The following RANBP3L variants were observed in gnomAD, a reference collection of about 807,000 sequenced individuals.
The protein encoded by RANBP3L is ran-binding protein 3-like.
A neutral mutation model predicts 67.2 loss-of-function variants in RANBP3L; 56 were observed. That is an observed-to-expected ratio of 0.83 (90% CI 0.67 to 1.04). RANBP3L has a LOEUF of 1.04. Ranked by LOEUF, RANBP3L falls within the 50% of genes least tolerant of loss-of-function variation. RANBP3L has a pLI of 0.00. For synonymous variants in RANBP3L, 164 were observed against 181.4 expected (o/e 0.90, Z 0.77); for missense variants, 496 against 535.5 (o/e 0.93, Z 0.73).
chr5:36,273,646 AAGCCATTGGGTCTAC>A (rs1750379431), intron 1 of RANBP3L, among the ~76,000 whole-genome samples: 1 of 152,200 alleles, frequency 6.6e-6, no homozygotes, highest in South Asian at 2.1e-4. Flanking sequence ...AGCATTTGTC[AAGCCATTGGGTCTAC>A]AGCAGATTTT....
intron 1 of RANBP3L, among the ~76,000 whole-genome samples, chr5:36,294,612 C>T (rs1227259403): frequency 6.6e-5 from 10 of 151,726 alleles, no homozygotes. Flanking sequence ...CCTTTGTTCT[C>T]GTTGGTTTCA....
intron 1 of RANBP3L, among the ~76,000 whole-genome samples, chr5:36,292,833 G>T (rs146249247): frequency 0.022 from 3,286 of 152,290 alleles, 55 homozygotes; most frequent in Non-Finnish European, 0.03. Context: ...GTCAGGTAGC[G>T]TGATGCCTGC....
At chr5:36,254,332 G>T (rs1748812525) in intron 11 of RANBP3L, among the ~76,000 whole-genome samples, 1 of 151,974 alleles carries the variant, frequency 6.6e-6, no homozygotes, top group South Asian at 2.1e-4. Context: ...ACAAAGGCCA[G>T]AAAAATATAT....
intron 1 of RANBP3L, among the ~76,000 whole-genome samples, chr5:36,284,134 C>G (rs774331031): frequency 4.6e-5 from 7 of 152,134 alleles, no homozygotes; most frequent in Non-Finnish European, 8.8e-5. Context: ...CATTTTAAAC[C>G]CTGTTCTCCT....
At chr5:36,269,563 A>G in intron 3 of RANBP3L, 96 bp from the exon 4 acceptor site, 1 of 754,888 alleles carries the variant, frequency 1.3e-6, no homozygotes, top group Non-Finnish European at 2.3e-6. Flanking sequence ...TCTTTTGTCT[A>G]CACAGACCAT....
chr5:36,251,243 C>T, intron 13 of RANBP3L, 70 bp downstream of exon 13: 1 of 1,296,722 alleles, frequency 7.7e-7, no homozygotes, highest in Non-Finnish European at 1.1e-6. Context: ...AAAAATCTAC[C>T]TAATATATTA....
At chr5:36,256,841 A>G (rs1451967570) in intron 10 of RANBP3L, 100 bp downstream of exon 10, 3 of 1,109,578 alleles carry the variant, frequency 2.7e-6, no homozygotes, top group South Asian at 3.3e-5. Context: ...CTCCATGAAA[A>G]CTATACTTCT....
chr5:36,296,199 T>C (rs1450083858), intron 1 of RANBP3L, among the ~76,000 whole-genome samples: 2 of 152,198 alleles, frequency 1.3e-5, no homozygotes, highest in African/African-American at 4.8e-5. Context: ...TGAGTTGTTC[T>C]AGTGAATTAT....
intron 10 of RANBP3L, among the ~76,000 whole-genome samples, chr5:36,256,017 T>C (rs963925795): frequency 6.6e-6 from 1 of 152,128 alleles, no homozygotes; most frequent in Admixed American, 6.6e-5. Context: ...ACATCAATTT[T>C]TATATTAATT....
At chr5:36,284,686 A>G (rs1048477362) in intron 1 of RANBP3L, among the ~76,000 whole-genome samples, 1 of 152,180 alleles carries the variant, frequency 6.6e-6, no homozygotes, top group Non-Finnish European at 1.5e-5. Context: ...GCAGTGTGGG[A>G]CATAGGGGCT....
chr5:36,294,958 A>C (rs947907857), intron 1 of RANBP3L, among the ~76,000 whole-genome samples: 3 of 148,556 alleles, frequency 2.0e-5, no homozygotes, highest in African/African-American at 7.4e-5. Flanking sequence ...TACATATTAT[A>C]TATGTATGTA....
chr5:36,270,551 T>G (rs1481347685), intron 2 of RANBP3L, among the ~76,000 whole-genome samples: 1 of 152,156 alleles, frequency 6.6e-6, no homozygotes, highest in African/African-American at 2.4e-5. Flanking sequence ...GTACCAGCAG[T>G]GCAATCATAG....
intron 2 of RANBP3L, among the ~76,000 whole-genome samples, chr5:36,270,589 C>T (rs1009640021): frequency 6.6e-6 from 1 of 152,188 alleles, no homozygotes. Context: ...CACCTAGGCT[C>T]AAGCAATCCT....
chr5:36,298,251 G>A (rs1169049938), intron 1 of RANBP3L, among the ~76,000 whole-genome samples: 1 of 148,538 alleles, frequency 6.7e-6, no homozygotes, highest in African/African-American at 2.5e-5. Context: ...AGTGAGCCGA[G>A]ATCATGCCAC....
chr5:36,270,992 C>G (rs992817181), intron 2 of RANBP3L, among the ~76,000 whole-genome samples: 4 of 152,176 alleles, frequency 2.6e-5, no homozygotes, highest in African/African-American at 7.2e-5. Context: ...AGCTCCTCCC[C>G]TTTTCAAGTT....
intron 1 of RANBP3L, among the ~76,000 whole-genome samples, chr5:36,298,574 C>T (rs1447580301): frequency 6.6e-6 from 1 of 152,112 alleles, no homozygotes; most frequent in African/African-American, 2.4e-5. Context: ...AAAGCAGGGC[C>T]ACTGCTCTGA....
At chr5:36,273,379 A>T (rs543935217) in intron 1 of RANBP3L, among the ~76,000 whole-genome samples, 1 of 152,348 alleles carries the variant, frequency 6.6e-6, no homozygotes, top group South Asian at 2.1e-4. Context: ...TGGAGGGCAT[A>T]TAGCAAAGTA....
At position 36,251,370 on chromosome 5, in the gene RANBP3L, A is replaced by T. The variant is rs756606263; in HGVS notation, c.1297T>A (p.Cys433Ser). 5 of 1,613,418 alleles carry T rather than the reference A, an allele frequency of 3.1e-6. No homozygotes were observed. Residue 433 changes from cysteine to serine, a missense_variant, in exon 13 of 14, where the codon TGC becomes AGC. By Grantham distance (112) the Cys-to-Ser change is moderately radical (BLOSUM62 -1). Coordinates refer to ENST00000296604, the MANE Select transcript of RANBP3L (RefSeq NM_145000.5). ...SLSETAQQLN[C>S]ESCDENEDDF... is the part of the protein sequence containing the mutation. ...TCCTCATTCTCATCACAGCTTTCGC[A>T]GTTCAATTGTTGGGCTGTTTCTGAC...
At chr5:36,288,372 G>A (rs1039184217) in intron 1 of RANBP3L, among the ~76,000 whole-genome samples, 49 of 152,116 alleles carry the variant, frequency 3.2e-4, no homozygotes, top group African/African-American at 1.2e-3. Context: ...TTGCTTACCA[G>A]TTTACTTGCT....
Sources: allele counts gnomAD v4.1 joint callset (sites outside exome capture counted in the v4.1 genomes callset), GRCh38; gene constraint gnomAD v4.1.1; transcripts MANE v1.5; gene names NCBI Gene and HGNC (gene_info 2026-07-23, HGNC 2026-07-21).